The following SETBP1 variants were observed in gnomAD, a reference collection of about 807,000 sequenced individuals.
SETBP1 encodes the protein SET binding protein 1.
In SETBP1, 9 loss-of-function variants were observed where a neutral mutation model predicts 101.0. The observed-to-expected ratio is 0.09, with a 90% CI of 0.05 to 0.16. SETBP1 has a LOEUF of 0.16. SETBP1 is among the 10% of genes least tolerant of loss of function. The pLI is 1.00. For synonymous variants in SETBP1, 818 were observed against 788.5 expected, an observed-to-expected ratio of 1.04 and a Z score of -0.63; for missense variants, 1,858 against 2,033.8, an observed-to-expected ratio of 0.91 and a Z score of 1.66.
intron 2 of SETBP1, among the ~76,000 whole-genome samples, chr18:44,716,344 A>AC (rs1028105307): frequency 3.9e-5 from 6 of 152,148 alleles, no homozygotes; most frequent in African/African-American, 1.2e-4. Context: ...ACAAAACAAA[A>AC]AAAATAGGGA....
At chr18:44,871,829 G>A (rs1282113243) in intron 3 of SETBP1, 2 of 152,166 alleles carry the variant, frequency 1.3e-5, no homozygotes, top group African/African-American at 2.4e-5. Flanking sequence ...TTGTGTTTTA[G>A]CAGGTGGTGA....
chr18:44,970,618 C>A (rs2071825638), intron 4 of SETBP1, among the ~76,000 whole-genome samples: 1 of 151,854 alleles, frequency 6.6e-6, no homozygotes, highest in Admixed American at 6.6e-5. Flanking sequence ...ATGGGGCGAT[C>A]TCGGCTTACT....
chr18:44,852,973 A>G (rs1402562587), intron 2 of SETBP1, among the ~76,000 whole-genome samples: 1 of 152,202 alleles, frequency 6.6e-6, no homozygotes, highest in African/African-American at 2.4e-5. Context: ...GAAGGGAGAT[A>G]AGTGGAATTC....
chr18:45,055,440 A>G (rs2073792714), intron 5 of SETBP1, among the ~76,000 whole-genome samples: 1 of 152,204 alleles, frequency 6.6e-6, no homozygotes, highest in Non-Finnish European at 1.5e-5. Context: ...TTTACCTATT[A>G]TTAATGAAAC....
chr18:44,918,412 A>G (rs73489163), intron 3 of SETBP1, among the ~76,000 whole-genome samples: 1,687 of 152,318 alleles, frequency 0.011, 32 homozygotes, highest in African/African-American at 0.039. Context: ...GCCTTCCAGG[A>G]GAGGATCCCA....
intron 3 of SETBP1, among the ~76,000 whole-genome samples, chr18:44,937,649 G>C (rs2070993756): frequency 6.6e-6 from 1 of 152,100 alleles, no homozygotes; most frequent in Non-Finnish European, 1.5e-5. Context: ...AGTGAGTCTG[G>C]TCAAGGTCTT....
intron 4 of SETBP1, among the ~76,000 whole-genome samples, chr18:44,996,535 T>C (rs2072501634): frequency 1.3e-5 from 2 of 152,330 alleles, no homozygotes; most frequent in Middle Eastern, 3.4e-3. Flanking sequence ...ACTGAAAAAC[T>C]ACCCATGAAG....
chr18:44,936,612 G>C (rs1023896442), intron 3 of SETBP1, among the ~76,000 whole-genome samples: 4 of 152,130 alleles, frequency 2.6e-5, no homozygotes, highest in African/African-American at 7.2e-5. Flanking sequence ...CCATAGGAGG[G>C]GGTGCTGGGA....
intron 3 of SETBP1, among the ~76,000 whole-genome samples, chr18:44,879,266 C>A (rs1232430796): frequency 6.6e-6 from 1 of 152,148 alleles, no homozygotes; most frequent in East Asian, 1.9e-4. Flanking sequence ...TAGTTAAGAG[C>A]AATGATTTTG....
intron 3 of SETBP1, among the ~76,000 whole-genome samples, chr18:44,891,738 C>T (rs546724508): frequency 1.2e-4 from 18 of 152,216 alleles, no homozygotes; most frequent in Admixed American, 2.6e-4. Context: ...TGTTCCTTTC[C>T]GTCTTTATCT....
At chr18:45,014,020 T>G (rs1254098469) in intron 4 of SETBP1, among the ~76,000 whole-genome samples, 2 of 136,978 alleles carry the variant, frequency 1.5e-5, no homozygotes. Flanking sequence ...AAGCAAAGGA[T>G]GTTCGGCAGA....
intron 3 of SETBP1, among the ~76,000 whole-genome samples, chr18:44,910,235 C>T (rs2070274727): frequency 6.6e-6 from 1 of 152,180 alleles, no homozygotes; most frequent in African/African-American, 2.4e-5. Flanking sequence ...AACCATCATA[C>T]ACATTGCTGC....
chr18:44,753,822 G>A (rs2070438323), intron 2 of SETBP1, among the ~76,000 whole-genome samples: 1 of 152,206 alleles, frequency 6.6e-6, no homozygotes, highest in African/African-American at 2.4e-5. Context: ...GTCGTGAATG[G>A]GAAGGAAGTC....
intron 5 of SETBP1, among the ~76,000 whole-genome samples, chr18:45,059,584 T>G (rs1033655359): frequency 1.3e-5 from 2 of 152,246 alleles, no homozygotes; most frequent in Non-Finnish European, 2.9e-5. Flanking sequence ...AATCCCTGTG[T>G]GTCTTCTGTC....
chr18:44,731,631 TACACACACAC>T (rs58199613), intron 2 of SETBP1, among the ~76,000 whole-genome samples: 4 of 149,752 alleles, frequency 2.7e-5, no homozygotes, highest in Non-Finnish European at 1.5e-5. Context: ...AATGGTTCTT[TACACACACAC>T]ACACACACAC....
At position 44,724,500 on chromosome 18, in the gene SETBP1, C is replaced by G. The variant is rs1282560385; in HGVS notation, c.486+22668C>G. The stretch of plus-strand genomic sequence containing the variant: ...GAGTGGGAGTCTGTTTACAGATTGT[C>G]TCTCATCCACTGTGATATGTTAATT... On this transcript the variant is annotated intron_variant, in intron 2 of 5. Coordinates refer to ENST00000649279, the MANE Select transcript of SETBP1 (RefSeq NM_015559.3). Among the ~76,000 whole-genome samples the G allele has an allele frequency of 2.0e-5, 3 of 152,254 alleles. No homozygotes were observed. The East Asian group carries it at 5.8e-4, about 29-fold the overall frequency.
intron 4 of SETBP1, among the ~76,000 whole-genome samples, chr18:44,977,036 C>A (rs1333763911): frequency 6.6e-6 from 1 of 152,118 alleles, no homozygotes; most frequent in Non-Finnish European, 1.5e-5. Context: ...GAGTTTCTAA[C>A]CTGTAATAAA....
At chr18:44,713,252 C>T (rs186778734) in intron 2 of SETBP1, among the ~76,000 whole-genome samples, 34 of 152,122 alleles carry the variant, frequency 2.2e-4, no homozygotes, top group African/African-American at 6.7e-4. Flanking sequence ...CCACCGCGCC[C>T]GGCCTCAGCA....
intron 2 of SETBP1, among the ~76,000 whole-genome samples, chr18:44,840,712 G>T (rs140594476): frequency 6.6e-6 from 1 of 152,296 alleles, no homozygotes; most frequent in East Asian, 1.9e-4. Context: ...ACTGCCAAGG[G>T]TTTTGTAAAA....
Sources: gnomAD v4.1 joint callset for allele counts (sites outside exome capture counted in the v4.1 genomes callset) on GRCh38, gnomAD v4.1.1 for gene constraint, MANE v1.5 for transcripts, NCBI Gene and HGNC (gene_info 2026-07-23, HGNC 2026-07-21) for gene names.